Variants in DNAAF5 observed in about 807,000 individuals in gnomAD.
DNAAF5 encodes the protein HEAT repeat containing 2.
DNAAF5 carries 64 observed loss-of-function variants against 75.8 expected under a neutral mutation model. That is an observed-to-expected ratio of 0.84 (90% CI 0.69 to 1.04). The LOEUF is 1.04. Ranked by LOEUF, DNAAF5 falls within the 50% of genes least tolerant of loss-of-function variation. The pLI is 0.00. For synonymous variants in DNAAF5, 657 were observed against 557.2 expected, an observed-to-expected ratio of 1.18 and a Z score of -2.52; for missense variants, 1,269 against 1,178.5, an observed-to-expected ratio of 1.08 and a Z score of -1.12.
At position 774,211 on chromosome 7, in the gene DNAAF5, C is replaced by A; in HGVS notation, c.2082+13C>A. ...GTCGGCAGAGCAGGTACGGGGCTCC[C>A]TGCGTGCTCGGTGGACACCGGCCGG... On this transcript the variant is annotated intron_variant, in intron 10 of 12. Transcript: ENST00000297440. The A allele has an allele frequency of 1.3e-6, 2 of 1,596,516 alleles. No homozygotes were observed. Among genetic ancestry groups the A allele is most frequent in the African/African-American group, 2.7e-5 (2 of 74,892 alleles).
Position 763,947 on chromosome 7 carries a change from C to T in DNAAF5, c.1756C>T (p.Gln586Ter). 6.2e-7 allele frequency: 1 copy of T among 1,606,736 alleles called. No homozygotes were observed. Among genetic ancestry groups the T allele is most frequent in the Non-Finnish European group, 8.5e-7 (1 of 1,180,004 alleles). ...DWTAHSPELL[Q>*]FSVIVAQSGP... Reference sequence around the variant, plus strand: ...GACCGCACACTCGCCGGAGCTCCTGCAGTTCAGTGTCATCGTCGCACAGTC... The same window carrying T: ...GACCGCACACTCGCCGGAGCTCCTGTAGTTCAGTGTCATCGTCGCACAGTC... The change falls in exon 8 of 13, where the codon CAG becomes TAG. Residue 586 changes from glutamine to a stop codon, truncating the protein, a stop_gained. Transcript: ENST00000297440. LOFTEE classifies it high-confidence loss of function.
intron 11 of DNAAF5, chr7:778,380 G>T (rs193177308): frequency 2.2e-4 from 34 of 152,328 alleles, no homozygotes; most frequent in Admixed American, 8.5e-4. Context: ...ATGAATCATG[G>T]CCTCCTTGGT....
chr7:740,723 C>T (rs1781877720), intron 2 of DNAAF5, 96 bp from the exon 3 acceptor site: 4 of 1,522,434 alleles, frequency 2.6e-6, no homozygotes, highest in South Asian at 1.2e-5. Context: ...CTGCCTCAGG[C>T]AGCGTCCGTA....
chr7:747,392 C>G (rs982289160), intron 4 of DNAAF5, among the ~76,000 whole-genome samples: 2 of 151,780 alleles, frequency 1.3e-5, no homozygotes, highest in Non-Finnish European at 2.9e-5. Context: ...GTGTGTCCAG[C>G]TGGTGTGCAA....
Position 761,659 on chromosome 7 carries a change from G to T in DNAAF5, c.1471-94G>T, listed in dbSNP as rs538655796. 45 of 1,330,550 alleles carry T rather than the reference G, an allele frequency of 3.4e-5. 1 individual carries two copies. In the East Asian group the frequency reaches 9.4e-4, roughly 28 times the overall value. 82.4% of individuals were successfully genotyped at this position (1,330,550 alleles called of 1,614,324 possible). A position where few individuals can be genotyped will look rare whatever the true frequency, so the allele number is the denominator to read the frequency against. ...TCCCACAGGGTCCCTCCCAGGATAC[G>T]TGGGGATTATGGGAGCTACAGTTCA... On this transcript the variant is annotated intron_variant, in intron 6 of 12. Coordinates refer to ENST00000297440, the MANE Select transcript of DNAAF5 (RefSeq NM_017802.4).
chr7:775,118 C>T lies in DNAAF5; in HGVS notation c.2195C>T (p.Ser732Leu), dbSNP rs1260057335. 3.1e-6 allele frequency: 5 copies of T among 1,614,132 alleles called. No homozygotes were observed. Among genetic ancestry groups the T allele is most frequent in the East Asian group, 2.2e-5 (1 of 44,880 alleles). The change falls in exon 11 of 13, where the codon TCG (serine) becomes TTG (leucine). Residue 732 changes from serine to leucine, a missense_variant. By Grantham distance (145) the Ser-to-Leu change is moderately radical (BLOSUM62 -2). Transcript: ENST00000297440. ...ATTATCAACACGTTCTTAAAAACCT[C>T]GGGCGGCATGACGGATCCAGAGAAA... is the stretch of plus-strand genomic sequence containing the variant. ...CRIINTFLKT[S>L]GGMTDPEKLI...
At chr7:773,960 C>A in intron 9 of DNAAF5, 88 bp from the exon 10 acceptor site, 1 of 1,485,398 alleles carries the variant, frequency 6.7e-7, no homozygotes, top group Non-Finnish European at 9.4e-7. Context: ...GTTTGGCTCC[C>A]CCCTCAGCCC....
chr7:740,987 A>G (rs751998987), intron 3 of DNAAF5, 44 bp downstream of exon 3: 11 of 1,602,856 alleles, frequency 6.9e-6, no homozygotes, highest in Middle Eastern at 1.7e-4. Flanking sequence ...CTAAACGGTC[A>G]TGTGTAGCAG....
rs1340324923 is a variant in DNAAF5, at chr7:754,812, G to A, written c.1248G>A (p.Val416=). ...CCTGCACCGACGAGGAGGCAGCCGT[G>A]GTCCAAAGTGTAAGTGGCCGTATTC... ...FQACTDEEAA[V]VQSCTRSAEL... The change falls in exon 5 of 13, where the codon GTG becomes GTA. Residue 416 remains valine, a synonymous_variant. Coordinates refer to ENST00000297440, the MANE Select transcript of DNAAF5 (RefSeq NM_017802.4). The surrounding 1 kb of genome is among the most constrained non-coding windows in gnomAD (Gnocchi z 4.8). 1 of 1,602,988 alleles carries A rather than the reference G, an allele frequency of 6.2e-7. No homozygotes were observed. Among genetic ancestry groups the A allele is most frequent in the Admixed American group, 1.7e-5 (1 of 59,508 alleles).
intron 11 of DNAAF5, among the ~76,000 whole-genome samples, chr7:777,192 C>T (rs886968070): frequency 3.3e-5 from 5 of 152,116 alleles, no homozygotes; most frequent in African/African-American, 7.2e-5. Flanking sequence ...ACGTAACGCA[C>T]GTGACTCATC....
intron 6 of DNAAF5, among the ~76,000 whole-genome samples, chr7:758,191 G>A (rs1368451482): frequency 6.6e-6 from 1 of 152,220 alleles, no homozygotes; most frequent in Non-Finnish European, 1.5e-5. Context: ...GAGGGGTTAT[G>A]AGGATGCCTT....
At chr7:769,142 G>T (rs1169112395) in intron 8 of DNAAF5, 4 of 771,130 alleles carry the variant, frequency 5.2e-6, no homozygotes, top group Non-Finnish European at 2.4e-6. Flanking sequence ...CGAGCAGCCT[G>T]CTCTGATGAC....
chr7:759,808 G>A (rs1308505866), intron 6 of DNAAF5, among the ~76,000 whole-genome samples: 1 of 152,152 alleles, frequency 6.6e-6, no homozygotes, highest in African/African-American at 2.4e-5. Context: ...TGGAGGTGTG[G>A]TCAGCCAGGA....
At chr7:781,564 C>CT (rs148929125) in intron 12 of DNAAF5, among the ~76,000 whole-genome samples, 22,240 of 152,200 alleles carry the variant, frequency 0.15, 2,214 homozygotes, top group Middle Eastern at 0.27. Flanking sequence ...GTATGGGGCT[C>CT]TATTTTTAGT....
intron 9 of DNAAF5, among the ~76,000 whole-genome samples, chr7:773,740 G>C (rs1003907082): frequency 2.0e-5 from 3 of 152,278 alleles, no homozygotes; most frequent in South Asian, 4.1e-4. Context: ...GAAGCTAGGA[G>C]CGGCGAGGGG....
chr7:740,360 C>T (rs774100625), intron 2 of DNAAF5, among the ~76,000 whole-genome samples: 13 of 152,206 alleles, frequency 8.5e-5, no homozygotes, highest in East Asian at 1.9e-4. Flanking sequence ...TGGGACCAGA[C>T]GCCTTTGAGG....
intron 12 of DNAAF5, among the ~76,000 whole-genome samples, chr7:784,755 TAAGA>T (rs1779096098): frequency 6.6e-6 from 1 of 152,188 alleles, no homozygotes; most frequent in African/African-American, 2.4e-5. Context: ...GCAAATTGGA[TAAGA>T]AAGTCGCCTG....
intron 8 of DNAAF5, among the ~76,000 whole-genome samples, chr7:770,113 G>A (rs1778504683): frequency 6.6e-6 from 1 of 152,016 alleles, no homozygotes; most frequent in Non-Finnish European, 1.5e-5. Flanking sequence ...CACCATGCTA[G>A]GGTAATTTTT....
In DNAAF5 at chr7:726,841, G is replaced by C; in HGVS notation, c.121G>C (p.Asp41His). 2 of 1,326,722 alleles carry C rather than the reference G, an allele frequency of 1.5e-6. No individual in the cohort carries two copies. The highest frequency in any genetic ancestry group is 1.9e-6 in the Non-Finnish European group (2 of 1,041,358). The allele number at this position is 1,326,722 out of a possible 1,614,324, so 82.2% of individuals were successfully genotyped here. Residue 41 changes from aspartate (D) to histidine (H), a missense_variant, in exon 1 of 13, where the codon GAC becomes CAC. By Grantham distance (81) the Asp-to-His change is moderately conservative (BLOSUM62 -1). Transcript: ENST00000297440. ...CCGCCTGCTGCCGGGGCTGGAGGCC[G>C]ACAGCAAGCCGGGCCGGCGGCGCGC... is the stretch of plus-strand genomic sequence containing the variant. ...LSRLLPGLEA[D>H]SKPGRRRALE...
Sources: gnomAD v4.1 joint callset for allele counts (sites outside exome capture counted in the v4.1 genomes callset) on GRCh38, gnomAD v4.1.1 for gene constraint, Gnocchi (gnomAD v3.1) non-coding constraint, MANE v1.5 for transcripts, NCBI Gene and HGNC (gene_info 2026-07-23, HGNC 2026-07-21) for gene names.